Variants in PLCB4 observed in about 807,000 individuals in gnomAD.
PLCB4 encodes the protein phospholipase C beta 4.
PLCB4 carries 77 observed loss-of-function variants against 178.8 expected under a neutral mutation model. The ratio of observed to expected loss-of-function variants is 0.43; its 90% CI spans 0.36 to 0.52. The LOEUF (loss-of-function observed/expected upper bound fraction) is 0.52. Among genes scored for constraint, PLCB4 ranks in the 20% least tolerant of loss-of-function variants. The pLI, the probability that PLCB4 is intolerant of heterozygous loss-of-function variation, is 0.00. For synonymous variants in PLCB4, 496 were observed against 490.8 expected (o/e 1.01, Z -0.14); for missense variants, 1,024 against 1,453.4 (o/e 0.70, Z 4.80).
chr20:9,164,211 G>A (rs1167410041), intron 2 of PLCB4, among the ~76,000 whole-genome samples: 1 of 152,098 alleles, frequency 6.6e-6, no homozygotes, highest in Non-Finnish European at 1.5e-5. Flanking sequence ...TTCACTGCCT[G>A]TTTTTTGTCA....
intron 2 of PLCB4, among the ~76,000 whole-genome samples, chr20:9,117,195 C>T (rs1262323621): frequency 6.6e-6 from 1 of 152,168 alleles, no homozygotes; most frequent in African/African-American, 2.4e-5. Flanking sequence ...CTGTTGAACA[C>T]ATGGGAAGTT....
chr20:9,177,365 C>T (rs1049017911), intron 2 of PLCB4, among the ~76,000 whole-genome samples: 1 of 152,114 alleles, frequency 6.6e-6, no homozygotes, highest in Non-Finnish European at 1.5e-5. Context: ...GATATGATAA[C>T]TAATTAAACT....
intron 2 of PLCB4, among the ~76,000 whole-genome samples, chr20:9,214,620 T>G (rs2093709422): frequency 6.8e-6 from 1 of 147,946 alleles, no homozygotes; most frequent in Non-Finnish European, 1.5e-5. Context: ...CACACACTCA[T>G]GCACACAGTC....
chr20:9,098,336 G>C (rs530946118), intron 2 of PLCB4, among the ~76,000 whole-genome samples: 2 of 152,078 alleles, frequency 1.3e-5, no homozygotes, highest in Non-Finnish European at 2.9e-5. Flanking sequence ...CTTAACTGCA[G>C]CATAAATCAT....
chr20:9,402,871 T>C (rs2039140187), intron 20 of PLCB4, among the ~76,000 whole-genome samples: 1 of 152,192 alleles, frequency 6.6e-6, no homozygotes, highest in Non-Finnish European at 1.5e-5. Context: ...TCAAATGGGA[T>C]GACTATTTGA....
intron 2 of PLCB4, among the ~76,000 whole-genome samples, chr20:9,203,518 G>A (rs1313033282): frequency 6.6e-6 from 1 of 152,110 alleles, no homozygotes; most frequent in Non-Finnish European, 1.5e-5. Flanking sequence ...TTCTCTATAT[G>A]CATAGTTATG....
intron 1 of PLCB4, among the ~76,000 whole-genome samples, chr20:9,073,029 A>G (rs892115306): frequency 5.9e-5 from 9 of 152,164 alleles, no homozygotes; most frequent in Non-Finnish European, 1.0e-4. Context: ...TTCTCCTTCA[A>G]AGCTCAAAGG....
intron 35 of PLCB4, 31 bp from the exon 36 acceptor site, chr20:9,468,540 C>G: frequency 7.6e-7 from 1 of 1,307,404 alleles, no homozygotes; most frequent in Non-Finnish European, 1.1e-6. Flanking sequence ...CATCCCCCCT[C>G]CCTGTTTGTT....
intron 27 of PLCB4, among the ~76,000 whole-genome samples, chr20:9,422,782 C>G (rs1265753940): frequency 6.6e-6 from 1 of 152,142 alleles, no homozygotes; most frequent in African/African-American, 2.4e-5. Context: ...GCAAGAATGG[C>G]AAATCCCAAG....
At chr20:9,471,586 A>G (rs1435379574) in intron 36 of PLCB4, among the ~76,000 whole-genome samples, 1 of 152,230 alleles carries the variant, frequency 6.6e-6, no homozygotes. Context: ...AAATGGAGAA[A>G]ACCTGAACAG....
intron 7 of PLCB4, among the ~76,000 whole-genome samples, chr20:9,354,367 A>G (rs559495988): frequency 6.6e-6 from 1 of 152,308 alleles, no homozygotes; most frequent in South Asian, 2.1e-4. Context: ...AAACAAGCCT[A>G]CCCTCCAGTG....
At chr20:9,205,299 T>G (rs1409703975) in intron 2 of PLCB4, among the ~76,000 whole-genome samples, 1 of 152,156 alleles carries the variant, frequency 6.6e-6, no homozygotes, top group East Asian at 1.9e-4. Flanking sequence ...CGGAGCACAT[T>G]TAAGGTAGGC....
At chr20:9,153,403 C>T (rs572146963) in intron 2 of PLCB4, among the ~76,000 whole-genome samples, 22 of 152,138 alleles carry the variant, frequency 1.4e-4, no homozygotes, top group East Asian at 9.7e-4. Context: ...TGGTCTTTGC[C>T]GTGTTATTCT....
chr20:9,110,925 T>C (rs2091552758), intron 2 of PLCB4, among the ~76,000 whole-genome samples: 1 of 152,214 alleles, frequency 6.6e-6, no homozygotes, highest in South Asian at 2.1e-4. Flanking sequence ...GATATTGTAC[T>C]GTTGTTCTTT....
At chr20:9,308,707 C>G (rs1353110895) in intron 4 of PLCB4, among the ~76,000 whole-genome samples, 2 of 152,156 alleles carry the variant, frequency 1.3e-5, no homozygotes, top group Non-Finnish European at 2.9e-5. Flanking sequence ...GAAACTAGGT[C>G]TTCTGTGAGC....
intron 4 of PLCB4, among the ~76,000 whole-genome samples, chr20:9,316,315 C>A (rs746227016): frequency 6.6e-6 from 1 of 152,166 alleles, no homozygotes; most frequent in Non-Finnish European, 1.5e-5. Context: ...CCGGTGCACA[C>A]TTAAGTACGA....
chr20:9,298,188 C>T (rs934180023), intron 3 of PLCB4, among the ~76,000 whole-genome samples: 2 of 152,024 alleles, frequency 1.3e-5, no homozygotes, highest in Non-Finnish European at 2.9e-5. Flanking sequence ...TTTCTCAGTT[C>T]CCCCCAGTTC....
At chr20:9,337,936 C>A in intron 5 of PLCB4, 72 bp from the exon 6 acceptor site, 1 of 1,153,910 alleles carries the variant, frequency 8.7e-7, no homozygotes, top group Non-Finnish European at 1.3e-6. Flanking sequence ...GAAATTTTTG[C>A]CAAGCAGTTT....
chr20:9,237,504 T>C (rs1178159853), intron 3 of PLCB4, among the ~76,000 whole-genome samples: 7 of 152,166 alleles, frequency 4.6e-5, no homozygotes, highest in African/African-American at 1.7e-4. Context: ...GAGGAGCTTG[T>C]TAGAGATGCC....
Sources: allele counts gnomAD v4.1 joint callset (sites outside exome capture counted in the v4.1 genomes callset), GRCh38; gene constraint gnomAD v4.1.1; transcripts MANE v1.5; gene names NCBI Gene and HGNC (gene_info 2026-07-23, HGNC 2026-07-21).